Variants in CNTNAP2 observed in about 807,000 individuals in gnomAD.
CNTNAP2 encodes contactin-associated protein-like 2.
In CNTNAP2, 98 loss-of-function variants were observed where a neutral mutation model predicts 155.2. That is an observed-to-expected ratio of 0.63 (90% CI 0.54 to 0.75). The LOEUF (loss-of-function observed/expected upper bound fraction) is 0.75. CNTNAP2 is among the 30% of genes least tolerant of loss of function. CNTNAP2 has a pLI of 0.00. For missense variants in CNTNAP2, 1,727 were observed against 1,688.1 expected (o/e 1.02, Z -0.40); for synonymous variants, 651 against 631.2 (o/e 1.03, Z -0.47).
At chr7:147,436,163 T>G (rs1049088555) in intron 10 of CNTNAP2, among the ~76,000 whole-genome samples, 59 of 152,248 alleles carry the variant, frequency 3.9e-4, no homozygotes, top group African/African-American at 1.3e-3. Context: ...GAGGTCTTAT[T>G]TCATTATTTA....
At chr7:148,115,027 A>C (rs1054881888) in intron 15 of CNTNAP2, among the ~76,000 whole-genome samples, 2 of 152,188 alleles carry the variant, frequency 1.3e-5, no homozygotes, top group Non-Finnish European at 2.9e-5. Context: ...TGACAACTCC[A>C]AGGGCATCAT....
At chr7:146,668,323 T>G (rs1028349902) in intron 1 of CNTNAP2, among the ~76,000 whole-genome samples, 2 of 152,148 alleles carry the variant, frequency 1.3e-5, no homozygotes, top group African/African-American at 2.4e-5. Context: ...AAATGCCACT[T>G]GATTATGTTG....
At chr7:146,434,441 C>G (rs1796213851) in intron 1 of CNTNAP2, among the ~76,000 whole-genome samples, 1 of 152,144 alleles carries the variant, frequency 6.6e-6, no homozygotes. Context: ...CTGAAACTTT[C>G]AAGCATGGAT....
At chr7:147,964,652 G>T (rs1801175410) in intron 14 of CNTNAP2, among the ~76,000 whole-genome samples, 1 of 152,186 alleles carries the variant, frequency 6.6e-6, no homozygotes, top group Admixed American at 6.5e-5. Context: ...CCCAATAGGT[G>T]TAGGCTCCTT....
At chr7:148,016,809 A>G (rs1033730172) in intron 15 of CNTNAP2, among the ~76,000 whole-genome samples, 9 of 152,158 alleles carry the variant, frequency 5.9e-5, no homozygotes, top group Admixed American at 5.9e-4. Context: ...AAGTTATAGC[A>G]TTTTAATGGG....
chr7:147,725,512 A>G (rs1388865047), intron 13 of CNTNAP2, among the ~76,000 whole-genome samples: 1 of 147,664 alleles, frequency 6.8e-6, no homozygotes, highest in East Asian at 1.9e-4. Context: ...ATATATCATT[A>G]TTAGTGGGAA....
At chr7:146,332,240 T>A (rs1801199819) in intron 1 of CNTNAP2, among the ~76,000 whole-genome samples, 1 of 152,010 alleles carries the variant, frequency 6.6e-6, no homozygotes, top group Non-Finnish European at 1.5e-5. Context: ...TTAACTTTTA[T>A]AATCGAATGC....
At chr7:146,871,147 T>G (rs1161972714) in intron 3 of CNTNAP2, among the ~76,000 whole-genome samples, 2 of 152,318 alleles carry the variant, frequency 1.3e-5, no homozygotes, top group Non-Finnish European at 2.9e-5. Flanking sequence ...ATGTGACGAA[T>G]TAGGCAACTT....
intron 20 of CNTNAP2, among the ~76,000 whole-genome samples, chr7:148,257,960 T>C (rs1208335264): frequency 6.6e-6 from 1 of 152,072 alleles, no homozygotes; most frequent in East Asian, 1.9e-4. Context: ...CAGATTTACA[T>C]ACAGATACAT....
At chr7:148,267,669 A>AC (rs1484417944) in intron 21 of CNTNAP2, among the ~76,000 whole-genome samples, 1 of 151,460 alleles carries the variant, frequency 6.6e-6, no homozygotes, top group African/African-American at 2.4e-5. Context: ...AAAAAAAAAA[A>AC]AAACAACCAA....
At chr7:147,980,533 A>C (rs1478098032) in intron 15 of CNTNAP2, among the ~76,000 whole-genome samples, 1 of 152,094 alleles carries the variant, frequency 6.6e-6, no homozygotes, top group Non-Finnish European at 1.5e-5. Context: ...GAGAGAGAGA[A>C]ATCTCATTGT....
rs564569955 is a variant in CNTNAP2, at chr7:148,018,443, A to G, written c.2383+40454A>G. Among the ~76,000 whole-genome samples the G allele has an allele frequency of 1.5e-3, 230 of 152,372 alleles. 2 individuals are homozygous for G. Among genetic ancestry groups the G allele is most frequent in the Admixed American group, 2.4e-3 (36 of 15,310 alleles). On this transcript the variant is annotated intron_variant, in intron 15 of 23. Transcript: ENST00000361727. Reference sequence around the variant, plus strand: ...GTAAATATAAGCATGTTGTTGGTTGAATGTTCAAAAACATATTTCAAAAAC... The same window carrying G: ...GTAAATATAAGCATGTTGTTGGTTGGATGTTCAAAAACATATTTCAAAAAC...
At chr7:147,599,869 T>C (rs1433448849) in intron 12 of CNTNAP2, among the ~76,000 whole-genome samples, 5 of 152,226 alleles carry the variant, frequency 3.3e-5, no homozygotes, top group Non-Finnish European at 5.9e-5. Context: ...CATTCACAGT[T>C]TCCAGGTGGA....
At chr7:146,452,582 T>A (rs1796499715) in intron 1 of CNTNAP2, among the ~76,000 whole-genome samples, 1 of 152,246 alleles carries the variant, frequency 6.6e-6, no homozygotes, top group African/African-American at 2.4e-5. Context: ...ATAAGACATC[T>A]TTTGTTATCA....
At chr7:148,118,015 C>CTATTGCTAATGGTACT in intron 15 of CNTNAP2, 103 bp from the exon 16 acceptor site, 1 of 1,224,956 alleles carries the variant, frequency 8.2e-7, no homozygotes, top group South Asian at 1.2e-5. Context: ...AAAATAATGA[C>CTATTGCTAATGGTACT]TATTGCTAAT....
At chr7:146,619,759 G>C (rs1799287284) in intron 1 of CNTNAP2, among the ~76,000 whole-genome samples, 1 of 152,114 alleles carries the variant, frequency 6.6e-6, no homozygotes, top group Admixed American at 6.5e-5. Flanking sequence ...TTCTAAAACT[G>C]ACTGTTTTGC....
At chr7:147,582,016 G>C (rs941528197) in intron 12 of CNTNAP2, among the ~76,000 whole-genome samples, 16 of 152,068 alleles carry the variant, frequency 1.1e-4, no homozygotes, top group African/African-American at 3.9e-4. Context: ...ATAAAGAATT[G>C]TATCACTTAT....
intron 1 of CNTNAP2, among the ~76,000 whole-genome samples, chr7:146,512,761 T>C (rs1378240433): frequency 6.6e-6 from 1 of 151,998 alleles, no homozygotes; most frequent in Non-Finnish European, 1.5e-5. Context: ...ATGTGTATTA[T>C]GCAGCCGTTG....
At chr7:148,177,662 T>G (rs762381436) in intron 18 of CNTNAP2, among the ~76,000 whole-genome samples, 8 of 152,176 alleles carry the variant, frequency 5.3e-5, no homozygotes, top group Non-Finnish European at 1.2e-4. Context: ...GTGAAATGAT[T>G]GCTATTACTA....
Sources: gnomAD v4.1 joint callset for allele counts (sites outside exome capture counted in the v4.1 genomes callset) on GRCh38, gnomAD v4.1.1 for gene constraint, MANE v1.5 for transcripts, NCBI Gene and HGNC (gene_info 2026-07-23, HGNC 2026-07-21) for gene names.